Variants in SLC29A3 observed in about 807,000 individuals in gnomAD.
The protein encoded by SLC29A3 is equilibrative nucleoside transporter 3.
A neutral mutation model predicts 25.4 loss-of-function variants in SLC29A3; 18 were observed. The ratio of observed to expected loss-of-function variants is 0.71; its 90% CI spans 0.49 to 1.05. The LOEUF is 1.05. Ranked by LOEUF, SLC29A3 falls within the 50% of genes least tolerant of loss-of-function variation. The pLI is 0.00. For missense variants in SLC29A3, 586 were observed against 609.0 expected, an observed-to-expected ratio of 0.96 and a Z score of 0.40; for synonymous variants, 258 against 267.1, an observed-to-expected ratio of 0.97 and a Z score of 0.33.
chr10:71,359,567 C>T (rs115906245), intron 5 of SLC29A3, among the ~76,000 whole-genome samples: 200 of 152,320 alleles, frequency 1.3e-3, no homozygotes, highest in African/African-American at 4.6e-3. Flanking sequence ...CCCCGTTCAC[C>T]GTCACTGAAG....
chr10:71,340,946 T>A (rs1000530816), intron 2 of SLC29A3, among the ~76,000 whole-genome samples: 1 of 151,844 alleles, frequency 6.6e-6, no homozygotes, highest in African/African-American at 2.4e-5. Flanking sequence ...GCAAACACAA[T>A]GGGCGATGGT....
chr10:71,330,596 T>C (rs1846094872), intron 2 of SLC29A3, among the ~76,000 whole-genome samples: 1 of 152,230 alleles, frequency 6.6e-6, no homozygotes, highest in African/African-American at 2.4e-5. Flanking sequence ...TCTGTCGCCC[T>C]TGGGCCTTTT....
rs769137288 is a variant in SLC29A3, at chr10:71,362,279, G to A, written c.1099G>A (p.Ala367Thr). 17 of 1,613,936 alleles carry A rather than the reference G, an allele frequency of 1.1e-5. No individual in the cohort carries two copies. Among genetic ancestry groups the A allele is most frequent in the Admixed American group, 5.0e-5 (3 of 59,984 alleles). Reference sequence around the variant, plus strand: ...TGACCTATGTGGCCGGCAGCTCACCGCCTGGATCCAGGTGCCAGGGCCCAA... The same window carrying A: ...TGACCTATGTGGCCGGCAGCTCACCACCTGGATCCAGGTGCCAGGGCCCAA... The part of the protein sequence containing the change: ...FADLCGRQLT[A>T]WIQVPGPNSK... The change falls in exon 6 of 6, where the codon GCC becomes ACC. Residue 367 changes from alanine to threonine, a missense_variant. Coordinates refer to ENST00000373189, the MANE Select transcript of SLC29A3 (RefSeq NM_018344.6).
rs575992598 is a variant in SLC29A3, at chr10:71,378,343, C to T, written c.*212-1423C>T. Among the ~76,000 whole-genome samples, 377 of 152,300 alleles carry T rather than the reference C, an allele frequency of 2.5e-3. 1 individual carries two copies. The highest frequency in any genetic ancestry group is 4.4e-3 in the Non-Finnish European group (300 of 68,024). On this transcript the variant is annotated intron_variant and NMD_transcript_variant, in intron 4 of 4. Coordinates refer to the SLC29A3 transcript ENST00000642772. ...GCTTCTCTGCGGTTCTCCTCCCACC[C>T]TGTCTCCCAGCCAAAGGACCTGAGA... is the stretch of plus-strand genomic sequence containing the variant.
chr10:71,334,299 A>G (rs958816659), intron 2 of SLC29A3, among the ~76,000 whole-genome samples: 12 of 152,254 alleles, frequency 7.9e-5, no homozygotes, highest in African/African-American at 2.9e-4. Context: ...ACATGTAAAC[A>G]AATGGGCTGA....
intron 2 of SLC29A3, among the ~76,000 whole-genome samples, chr10:71,324,961 C>T (rs776428027): frequency 1.3e-4 from 20 of 152,218 alleles, no homozygotes; most frequent in Admixed American, 2.6e-4. Flanking sequence ...TCAGGAGCCT[C>T]CGTTTCCACG....
chr10:71,321,281 T>G (rs963261279), intron 1 of SLC29A3, among the ~76,000 whole-genome samples: 4 of 152,158 alleles, frequency 2.6e-5, no homozygotes, highest in African/African-American at 9.7e-5. Context: ...AAATAGTGGA[T>G]AAGGTTCTGC....
chr10:71,373,024 G>A (rs1203082570), intron 3 of SLC29A3, among the ~76,000 whole-genome samples: 1 of 152,190 alleles, frequency 6.6e-6, no homozygotes, highest in African/African-American at 2.4e-5. Flanking sequence ...CTGTAACTGG[G>A]GAGCAGTGGG....
At position 71,362,489 on chromosome 10, in the gene SLC29A3, G is replaced by A. The variant is rs121912584; in HGVS notation, c.1309G>A (p.Gly437Arg). Residue 437 changes from glycine (G) to arginine (R), a missense_variant, in exon 6 of 6, where the codon GGG (glycine) becomes AGG (arginine). Gly to Arg is a moderately radical substitution (Grantham distance 125, BLOSUM62 -2). Transcript: ENST00000373189. ...CCTCAGCACCCTGGCCCTCCTCTACGGGCCTAAGATTGTGCCCAGGGAGCT... is the reference window on the plus strand; with the variant it reads ...CCTCAGCACCCTGGCCCTCCTCTACAGGCCTAAGATTGTGCCCAGGGAGCT... ...GYLSTLALLY[G>R]PKIVPRELAE... 56 of 1,614,048 alleles carry A rather than the reference G, an allele frequency of 3.5e-5. No individual in the cohort carries two copies. The highest frequency in any genetic ancestry group is 6.7e-5 in the Admixed American group (4 of 60,002).
chr10:71,370,075 G>C (rs943488479), intron 3 of SLC29A3, among the ~76,000 whole-genome samples: 9 of 152,166 alleles, frequency 5.9e-5, no homozygotes, highest in African/African-American at 2.2e-4. Flanking sequence ...TGGCACTGAT[G>C]GGTCACTGGT....
intron 3 of SLC29A3, among the ~76,000 whole-genome samples, chr10:71,348,346 T>C (rs1270472419): frequency 6.6e-6 from 1 of 152,268 alleles, no homozygotes; most frequent in Non-Finnish European, 1.5e-5. Context: ...TTTTCAGATT[T>C]AGAATCATTA....
At chr10:71,349,533 C>T (rs1251945118) in intron 3 of SLC29A3, among the ~76,000 whole-genome samples, 1 of 151,920 alleles carries the variant, frequency 6.6e-6, no homozygotes, top group East Asian at 1.9e-4. Flanking sequence ...ACACTGACTG[C>T]CCCAGGCTGC....
At chr10:71,335,499 C>T (rs936624248) in intron 2 of SLC29A3, among the ~76,000 whole-genome samples, 2 of 152,078 alleles carry the variant, frequency 1.3e-5, no homozygotes, top group African/African-American at 2.4e-5. Context: ...TGGCCAGGCC[C>T]AGGGAGGAAC....
chr10:71,379,434 A>G (rs1448600677), intron 4 of SLC29A3, among the ~76,000 whole-genome samples: 1 of 152,248 alleles, frequency 6.6e-6, no homozygotes, highest in African/African-American at 2.4e-5. Context: ...TCAAATCTCA[A>G]TGGTCACAAG....
chr10:71,327,669 C>CA (rs1846002748), intron 2 of SLC29A3, among the ~76,000 whole-genome samples: 1 of 152,086 alleles, frequency 6.6e-6, no homozygotes, highest in Non-Finnish European at 1.5e-5. Context: ...CATTCATACT[C>CA]AGAGAGTGGT....
At chr10:71,339,925 G>T (rs116569546) in intron 2 of SLC29A3, among the ~76,000 whole-genome samples, 1 of 152,036 alleles carries the variant, frequency 6.6e-6, no homozygotes, top group Non-Finnish European at 1.5e-5. Context: ...CCGAGGGCAC[G>T]CAGGTGCCAC....
downstream of SLC29A3, chr10:71,364,981 C>A (rs780684): frequency 0.75 from 113,921 of 152,186 alleles, 44,642 homozygotes; most frequent in Non-Finnish European, 0.88. Context: ...GTAATCCCAG[C>A]ACTTTGGGAG....
At chr10:71,324,894 A>G (rs556726627) in intron 2 of SLC29A3, among the ~76,000 whole-genome samples, 10 of 152,314 alleles carry the variant, frequency 6.6e-5, no homozygotes, top group African/African-American at 1.9e-4. Flanking sequence ...GGTCGGGCCA[A>G]GGTCGAGGAT....
intron 3 of SLC29A3, among the ~76,000 whole-genome samples, chr10:71,371,129 A>C (rs1847208486): frequency 1.3e-5 from 2 of 152,070 alleles, no homozygotes; most frequent in African/African-American, 4.8e-5. Context: ...GATTATTGTA[A>C]AGTGTAGTGA....
Sources: gnomAD v4.1 joint callset for allele counts (sites outside exome capture counted in the v4.1 genomes callset) on GRCh38, gnomAD v4.1.1 for gene constraint, MANE v1.5 for transcripts, NCBI Gene and HGNC (gene_info 2026-07-23, HGNC 2026-07-21) for gene names.